Variants in GABRA1 observed in about 807,000 individuals in gnomAD.
GABRA1 encodes the protein gamma-aminobutyric acid receptor subunit alpha-1.
Under a neutral mutation model 48.9 loss-of-function variants are expected in GABRA1, and 9 were observed. That is an observed-to-expected ratio of 0.18 (90% CI 0.11 to 0.32). The LOEUF is 0.32. Among genes scored for constraint, GABRA1 ranks in the 10% least tolerant of loss-of-function variants. The pLI is 1.00. For synonymous variants in GABRA1, 210 were observed against 198.7 expected, an observed-to-expected ratio of 1.06 and a Z score of -0.48; for missense variants, 285 against 553.8, an observed-to-expected ratio of 0.51 and a Z score of 4.87.
intron 7 of GABRA1, among the ~76,000 whole-genome samples, chr5:161,884,190 A>G (rs1483761220): frequency 6.6e-6 from 1 of 152,178 alleles, no homozygotes; most frequent in African/African-American, 2.4e-5. Flanking sequence ...CAGAACATGA[A>G]AAATGCTCAA....
rs1581222225 is a variant in GABRA1 at position 161,897,652 on chromosome 5, G to A, written c.*230G>A. The A allele has an allele frequency of 1.9e-6, 1 of 527,068 alleles. No homozygotes were observed. Among genetic ancestry groups the A allele is most frequent in the Non-Finnish European group, 3.3e-6 (1 of 298,732 alleles). 32.6% of individuals were successfully genotyped at this position (527,068 alleles called of 1,614,324 possible). On this transcript the variant is annotated 3_prime_UTR_variant, in exon 10 of 10. Coordinates refer to ENST00000393943, the MANE Select transcript of GABRA1 (RefSeq NM_001127644.2). The stretch of plus-strand genomic sequence containing the variant: ...AGAGCAAGCGAAAGAGCAAAGTCAT[G>A]TCAGAAGGAGACAGAATGAGAGAGA...
chr5:161,854,140 C>T lies in GABRA1; in HGVS notation c.75-18C>T. 7.7e-7 allele frequency: 1 copy of T among 1,299,096 alleles called. No individual in the cohort carries two copies. Among genetic ancestry groups the T allele is most frequent in the African/African-American group, 1.5e-5 (1 of 68,430 alleles). 80.5% of individuals were successfully genotyped at this position (1,299,096 alleles called of 1,614,324 possible). On this transcript the variant is annotated intron_variant, in intron 2 of 9. Coordinates refer to ENST00000393943, the MANE Select transcript of GABRA1 (RefSeq NM_001127644.2). ...AATGTATAATTTAGCTATTGCTTCT[C>T]TTTATGTTTTTTTTCAGCTATGGAC... is the stretch of plus-strand genomic sequence containing the variant.
At chr5:161,892,226 AATAT>A (rs1241252582) in intron 8 of GABRA1, among the ~76,000 whole-genome samples, 1 of 152,222 alleles carries the variant, frequency 6.6e-6, no homozygotes, top group Non-Finnish European at 1.5e-5. Flanking sequence ...TCATTCCACA[AATAT>A]CAACTAGGCA....
intron 7 of GABRA1, among the ~76,000 whole-genome samples, chr5:161,884,853 G>C (rs1222542432): frequency 3.3e-5 from 5 of 152,124 alleles, no homozygotes; most frequent in African/African-American, 1.2e-4. Flanking sequence ...TCTTATGCCT[G>C]AGATCCCATG....
At chr5:161,882,457 G>A in intron 6 of GABRA1, 101 bp from the exon 7 acceptor site, 4 of 1,146,804 alleles carry the variant, frequency 3.5e-6, no homozygotes, top group Non-Finnish European at 3.9e-6. Context: ...CTGCCCTCTG[G>A]AACCATGATA....
At chr5:161,855,316 A>G (rs187042887) in intron 3 of GABRA1, among the ~76,000 whole-genome samples, 100 of 151,774 alleles carry the variant, frequency 6.6e-4, no homozygotes, top group Non-Finnish European at 9.3e-4. Flanking sequence ...TTTGCACAGT[A>G]TAATGACATG....
At chr5:161,860,594 C>A (rs1411211263) in intron 3 of GABRA1, among the ~76,000 whole-genome samples, 1 of 151,648 alleles carries the variant, frequency 6.6e-6, no homozygotes, top group Non-Finnish European at 1.5e-5. Context: ...TGACTATAAT[C>A]AATAACAATG....
chr5:161,886,013 T>G (rs905936376), intron 7 of GABRA1, among the ~76,000 whole-genome samples: 3 of 152,180 alleles, frequency 2.0e-5, no homozygotes, highest in Non-Finnish European at 4.4e-5. Context: ...ACTGTTCTAT[T>G]CTTCAGATCT....
chr5:161,850,713 C>T (rs551643334), intron 1 of GABRA1, 83 bp from the exon 2 acceptor site: 1 of 1,138,012 alleles, frequency 8.8e-7, no homozygotes, highest in African/African-American at 1.5e-5. Flanking sequence ...AAGCATTCAT[C>T]TAAACTGCCT....
In GABRA1 at chr5:161,890,947, C is replaced by T. The variant is rs2113446431; in HGVS notation, c.753C>T (p.Gly251=). 7 of 1,613,256 alleles carry T rather than the reference C, an allele frequency of 4.3e-6. No individual in the cohort carries two copies. The highest frequency in any genetic ancestry group is 5.9e-6 in the Non-Finnish European group (7 of 1,179,312). ...TTHFHLKRKI[G]YFVIQTYLPC... ...ATTTCCACTTGAAGAGAAAGATTGG[C>T]TACTTTGTTATTCAAACATACCTGC... The change falls in exon 8 of 10, where the codon GGC becomes GGT. Residue 251 remains glycine (G), a synonymous_variant. Coordinates refer to ENST00000393943, the MANE Select transcript of GABRA1 (RefSeq NM_001127644.2).
At chr5:161,872,983 C>A (rs10058095) in intron 4 of GABRA1, 134 bp from the exon 5 acceptor site, 1 of 739,826 alleles carries the variant, frequency 1.4e-6, no homozygotes, top group Non-Finnish European at 2.5e-6. Flanking sequence ...TGCTATCACA[C>A]GTTTACTTCT....
chr5:161,882,272 T>A, intron 6 of GABRA1: 1 of 447,378 alleles, frequency 2.2e-6, no homozygotes, highest in Non-Finnish European at 4.1e-6. Flanking sequence ...GCATATTCCA[T>A]AAGATAAAGA....
chr5:161,899,590 T>G lies in GABRA1; in HGVS notation c.*2168T>G, dbSNP rs1755525507. ...GACTGCATTTCTATCATTTCTCAGT[T>G]TGTTAGTATATGTGGATAGTATTCT... On this transcript the variant is annotated 3_prime_UTR_variant, in exon 10 of 10. Coordinates refer to ENST00000393943, the MANE Select transcript of GABRA1 (RefSeq NM_001127644.2). The G allele has an allele frequency of 6.6e-6, 1 of 152,172 alleles. No homozygotes were observed. The highest frequency in any genetic ancestry group is 2.1e-4 in the South Asian group (1 of 4,834). 9.4% of individuals were successfully genotyped at this position (152,172 alleles called of 1,614,324 possible). A position where few individuals can be genotyped will look rare whatever the true frequency, so the allele number is the denominator to read the frequency against.
intron 9 of GABRA1, 34 bp downstream of exon 9, chr5:161,895,902 T>A (rs1414857229): frequency 1.2e-5 from 19 of 1,542,808 alleles, no homozygotes; most frequent in Non-Finnish European, 1.6e-5. Flanking sequence ...AGTACATCAA[T>A]ATTATGTCTC....
At position 161,898,058 on chromosome 5, in the gene GABRA1, C is replaced by T. The variant is rs1312353220; in HGVS notation, c.*636C>T. 2.0e-5 allele frequency: 3 copies of T among 151,328 alleles called. No individual in the cohort carries two copies. The highest frequency in any genetic ancestry group is 1.3e-4 in the Admixed American group (2 of 15,168). 9.4% of individuals were successfully genotyped at this position (151,328 alleles called of 1,614,324 possible). ...TTTTAAAATTCATGGAACTTTCATA[C>T]GTAAAGGTGCAGTTGCTCATTGTAG... On this transcript the variant is annotated 3_prime_UTR_variant, in exon 10 of 10. Coordinates refer to ENST00000393943, the MANE Select transcript of GABRA1 (RefSeq NM_001127644.2).
intron 1 of GABRA1, 83 bp downstream of exon 1, chr5:161,848,505 C>CGGGGGGGGG (rs35469580): frequency 6.5e-5 from 2 of 30,702 alleles, no homozygotes; most frequent in Non-Finnish European, 1.1e-4. Context: ...ATGTTATAGT[C>CGGGGGGGGG]GGGGGGGGGG....
At position 161,871,722 on chromosome 5, in the gene GABRA1, A is replaced by T. The variant is rs911884885; in HGVS notation, c.256-1395A>T. Among the ~76,000 whole-genome samples the T allele has an allele frequency of 5.3e-5, 8 of 152,186 alleles. No homozygotes were observed. In the East Asian group the frequency reaches 1.5e-3, roughly 29 times the overall value. On this transcript the variant is annotated intron_variant, in intron 4 of 9. Coordinates refer to ENST00000393943, the MANE Select transcript of GABRA1 (RefSeq NM_001127644.2). Reference sequence around the variant, plus strand: ...TTATGTATCTATCACAGTGCCTTTCATCTGACACTTCCAGACACAAAATCC... The same window carrying T: ...TTATGTATCTATCACAGTGCCTTTCTTCTGACACTTCCAGACACAAAATCC...
intron 7 of GABRA1, among the ~76,000 whole-genome samples, chr5:161,888,541 T>C (rs970918166): frequency 6.6e-6 from 1 of 152,058 alleles, no homozygotes; most frequent in Admixed American, 6.6e-5. Flanking sequence ...CAAAAGATAA[T>C]GGAATGTATA....
At chr5:161,878,070 G>A (rs1754441245) in intron 6 of GABRA1, among the ~76,000 whole-genome samples, 1 of 152,150 alleles carries the variant, frequency 6.6e-6, no homozygotes, top group Non-Finnish European at 1.5e-5. Context: ...CGTCACGAGA[G>A]AAGGACATAC....
Sources: allele counts gnomAD v4.1 joint callset (sites outside exome capture counted in the v4.1 genomes callset), GRCh38; gene constraint gnomAD v4.1.1; transcripts MANE v1.5; gene names NCBI Gene and HGNC (gene_info 2026-07-23, HGNC 2026-07-21).